The following DACT2 variants were observed in gnomAD, a reference collection of about 807,000 sequenced individuals.
DACT2 encodes dishevelled binding antagonist of beta catenin 2.
In DACT2, 20 loss-of-function variants were observed where a neutral mutation model predicts 22.2. The observed-to-expected ratio is 0.90, with a 90% CI of 0.63 to 1.31. The LOEUF is 1.31. DACT2 is among the 50% of genes most tolerant of loss of function. The probability of loss-of-function intolerance (pLI) is 0.00; values close to 1 mark genes in which losing one functional copy is unlikely to be tolerated. For synonymous variants in DACT2, 463 were observed against 479.8 expected, an observed-to-expected ratio of 0.96 and a Z score of 0.46; for missense variants, 1,048 against 1,061.4, an observed-to-expected ratio of 0.99 and a Z score of 0.18.
At position 168,308,848 on chromosome 6, in the gene DACT2, G is replaced by A. The variant is rs1232846849; in HGVS notation, c.909C>T (p.Phe303=). Residue 303 remains phenylalanine (F), a synonymous_variant, in exon 4 of 4, where the codon TTC becomes TTT. Transcript: ENST00000366795. The part of the protein sequence containing the change: ...KETPQRGGPS[F]PRESPRGPAG... ...CGGGGCCCCTGGGGCTCTCCCTAGG[G>A]AACGAGGGGCCACCTCTCTGTGGGG... 5 of 1,551,060 alleles carry A rather than the reference G, an allele frequency of 3.2e-6. No individual in the cohort carries two copies. Among genetic ancestry groups the A allele is most frequent in the African/African-American group, 2.7e-5 (2 of 73,064 alleles).
intron 1 of DACT2, among the ~76,000 whole-genome samples, chr6:168,314,326 G>A (rs1779494620): frequency 6.6e-6 from 1 of 152,188 alleles, no homozygotes; most frequent in Non-Finnish European, 1.5e-5. Flanking sequence ...TGGGCCTGGG[G>A]AAGGGGCATG....
chr6:168,302,126 C>T (rs1779122265), downstream of DACT2: 1 of 152,356 alleles, frequency 6.6e-6, no homozygotes, highest in Non-Finnish European at 1.5e-5. Flanking sequence ...CAGGAAGGCC[C>T]AGTGTCAGGT....
At chr6:168,311,103 T>C (rs977245365) in intron 2 of DACT2, 49 bp downstream of exon 2, 1 of 1,481,670 alleles carries the variant, frequency 6.7e-7, no homozygotes, top group Admixed American at 2.1e-5. Flanking sequence ...CACCTCTGCC[T>C]GTGCTGCGTG....
Position 168,310,164 on chromosome 6 carries a change from T to C in DACT2, c.658+4A>G. ...GACCCCCACCTTCCCTGGCAGTTTCTTACCTGTAGACACAGGCCTGGGCCA... is the reference window on the plus strand; with the variant it reads ...GACCCCCACCTTCCCTGGCAGTTTCCTACCTGTAGACACAGGCCTGGGCCA... On this transcript the variant is annotated splice_donor_region_variant and intron_variant, in intron 3 of 3. Transcript: ENST00000366795. The C allele has an allele frequency of 6.5e-7, 1 of 1,548,412 alleles. No homozygotes were observed. Among genetic ancestry groups the C allele is most frequent in the Non-Finnish European group, 8.7e-7 (1 of 1,146,524 alleles).
Position 168,308,856 on chromosome 6 carries a change from G to A in DACT2, c.901C>T (p.Pro301Ser). The change falls in exon 4 of 4, where the codon CCC becomes TCC. Residue 301 changes from proline to serine, a missense_variant. Transcript: ENST00000366795. ...LTKETPQRGG[P>S]SFPRESPRGP... The stretch of plus-strand genomic sequence containing the variant: ...CTGGGGCTCTCCCTAGGGAACGAGG[G>A]GCCACCTCTCTGTGGGGTTTCCTTA... 1.3e-6 allele frequency: 2 copies of A among 1,551,082 alleles called. No homozygotes were observed. Among genetic ancestry groups the A allele is most frequent in the Middle Eastern group, 1.7e-4 (1 of 5,990 alleles).
intron 3 of DACT2, chr6:168,299,486 T>C (rs1011386292): frequency 3.3e-5 from 5 of 152,234 alleles, no homozygotes; most frequent in Non-Finnish European, 5.9e-5. Context: ...TATTTGACAG[T>C]GAATAAATGA....
intron 1 of DACT2, among the ~76,000 whole-genome samples, chr6:168,311,792 A>C (rs1283326085): frequency 2.0e-5 from 3 of 152,206 alleles, no homozygotes; most frequent in East Asian, 1.9e-4. Flanking sequence ...AGCTTATGAG[A>C]GTGAAATCAG....
chr6:168,294,152 T>C (rs1173622110), exon 5 of DACT2: 1 of 702,948 alleles, frequency 1.4e-6, no homozygotes, highest in Admixed American at 2.0e-5. Context: ...GAAAGGGAGC[T>C]GACAGCCACA....
chr6:168,302,590 A>G (rs1779129843), downstream of DACT2, among the ~76,000 whole-genome samples: 1 of 152,210 alleles, frequency 6.6e-6, no homozygotes, highest in Admixed American at 6.5e-5. Context: ...GATTTTATTT[A>G]GTGGGATTCA....
chr6:168,310,250 G>A lies in DACT2; in HGVS notation c.576C>T (p.Thr192=), dbSNP rs562481843. Residue 192 remains threonine (T), a synonymous_variant, in exon 3 of 4, where the codon ACC becomes ACT. Coordinates refer to ENST00000366795, the MANE Select transcript of DACT2 (RefSeq NM_214462.5). ...TCCCTGGGGGCCTGGCGCCCTCCTC[G>A]GTAGCCTGGGGTCTCCACGCTGGCA... ...TTVPAWRPQA[T]EEGARPPGSV... The A allele has an allele frequency of 5.2e-5, 81 of 1,551,300 alleles. No homozygotes were observed. In the African/African-American group the frequency reaches 6.1e-4, roughly 12 times the overall value.
chr6:168,304,465 C>T (rs530239251), downstream of DACT2, among the ~76,000 whole-genome samples: 3 of 152,198 alleles, frequency 2.0e-5, no homozygotes, highest in African/African-American at 4.8e-5. Flanking sequence ...TTATGACTGG[C>T]GTTCTAATTG....
At position 168,308,083 on chromosome 6, in the gene DACT2, C is replaced by A. The variant is rs149504015; in HGVS notation, c.1674G>T (p.Gly558=). 4.6e-3 allele frequency: 7,140 copies of A among 1,544,734 alleles called. 46 individuals are homozygous for A. Among genetic ancestry groups the A allele is most frequent in the South Asian group, 0.013 (1,124 of 83,348 alleles). ...AGAGGGTGGACTCAGAACAGGAGCG[C>A]CCGGGTGCCTCCCAGGCCAGGGCTG... ...RRPALAWEAP[G]RSCSESTLYP... is the part of the protein sequence containing the mutation. Residue 558 remains glycine, a synonymous_variant, in exon 4 of 4, where the codon GGG becomes GGT. Transcript: ENST00000366795.
chr6:168,306,289 G>A (rs942395462), downstream of DACT2, among the ~76,000 whole-genome samples: 2 of 152,172 alleles, frequency 1.3e-5, no homozygotes, highest in African/African-American at 4.8e-5. Flanking sequence ...GGAGAAAGCT[G>A]CTTTCTGAAT....
intron 3 of DACT2, among the ~76,000 whole-genome samples, chr6:168,295,476 C>T (rs947273166): frequency 6.6e-6 from 1 of 152,108 alleles, no homozygotes; most frequent in African/African-American, 2.4e-5. Context: ...CAGTAACATA[C>T]ATACAGGTAC....
chr6:168,306,238 C>T (rs957875829), downstream of DACT2, among the ~76,000 whole-genome samples: 4 of 152,186 alleles, frequency 2.6e-5, no homozygotes, highest in East Asian at 1.9e-4. Context: ...GGGACTTCAA[C>T]GGCCTTCTCC....
intron 1 of DACT2, among the ~76,000 whole-genome samples, chr6:168,312,636 TA>T (rs1392913686): frequency 6.6e-6 from 1 of 152,238 alleles, no homozygotes; most frequent in African/African-American, 2.4e-5. Context: ...CTTTCAATTC[TA>T]AAACATTTCT....
At chr6:168,309,747 C>T (rs1779346095) in intron 3 of DACT2, among the ~76,000 whole-genome samples, 1 of 152,162 alleles carries the variant, frequency 6.6e-6, no homozygotes, top group South Asian at 2.1e-4. Context: ...AAAACAAGGC[C>T]AAAAATGACA....
intron 1 of DACT2, among the ~76,000 whole-genome samples, chr6:168,314,865 A>G (rs1374997718): frequency 6.6e-6 from 1 of 152,212 alleles, no homozygotes; most frequent in Non-Finnish European, 1.5e-5. Context: ...GAGGTCTGTC[A>G]ATCAACAGCA....
chr6:168,300,312 G>A (rs914716410), intron 3 of DACT2: 1 of 152,342 alleles, frequency 6.6e-6, no homozygotes, highest in African/African-American at 2.4e-5. Flanking sequence ...CCTCCAGGAG[G>A]GGTCCAGGAC....
Sources: allele counts gnomAD v4.1 joint callset (sites outside exome capture counted in the v4.1 genomes callset), GRCh38; gene constraint gnomAD v4.1.1; transcripts MANE v1.5; gene names NCBI Gene and HGNC (gene_info 2026-07-23, HGNC 2026-07-21).